GLB1L3: variants seen among roughly 807,000 people sequenced by gnomAD.
The protein encoded by GLB1L3 is beta-galactosidase-1-like protein 3.
GLB1L3 carries 89 observed loss-of-function variants against 89.5 expected under a neutral mutation model. The ratio of observed to expected loss-of-function variants is 0.99; its 90% CI spans 0.84 to 1.19. The LOEUF (loss-of-function observed/expected upper bound fraction) is 1.19, where lower values mean the gene tolerates loss of function less well. GLB1L3 is among the 50% of genes most tolerant of loss of function. The probability of loss-of-function intolerance (pLI) is 0.00; values close to 1 mark genes in which losing one functional copy is unlikely to be tolerated. For synonymous variants in GLB1L3, 314 were observed against 312.3 expected, an observed-to-expected ratio of 1.01 and a Z score of -0.06; for missense variants, 812 against 813.3, an observed-to-expected ratio of 1.00 and a Z score of 0.02.
At chr11:134,275,889 C>G (rs979148713), upstream of GLB1L3, 2 of 152,324 alleles carry the variant, frequency 1.3e-5, no homozygotes, top group Admixed American at 1.3e-4. Context: ...GGCAGCGTTA[C>G]CACCACGAGC....
chr11:134,308,283 A>ACC (rs1565412922), intron 10 of GLB1L3, among the ~76,000 whole-genome samples: 1 of 23,532 alleles, frequency 4.2e-5, no homozygotes, highest in Non-Finnish European at 8.6e-5. Context: ...ACCACCACCA[A>ACC]ATACCACCAC....
chr11:134,318,963 T>TA lies in GLB1L3; in HGVS notation c.*21_*22insA. 1 of 1,602,832 alleles carries TA rather than the reference T, an allele frequency of 6.2e-7. No homozygotes were observed. The highest frequency in any genetic ancestry group is 1.1e-5 in the South Asian group (1 of 90,514). Reference sequence around the variant, plus strand: ...TGTAAAACTGTGTCTGAACATTTTTTTTTTTTTTTGAGATGGAGTCTCACT... The same window carrying TA: ...TGTAAAACTGTGTCTGAACATTTTTTATTTTTTTTTGAGATGGAGTCTCACT... On this transcript the variant is annotated 3_prime_UTR_variant, in exon 20 of 20. Coordinates refer to ENST00000431683, the MANE Select transcript of GLB1L3 (RefSeq NM_001080407.3).
At chr11:134,305,873 T>C (rs545575526) in intron 9 of GLB1L3, among the ~76,000 whole-genome samples, 1 of 152,176 alleles carries the variant, frequency 6.6e-6, no homozygotes, top group African/African-American at 2.4e-5. Flanking sequence ...AAATTAAATA[T>C]AGAAGTTGGA....
intron 11 of GLB1L3, chr11:134,309,995 G>C (rs1189415413): frequency 5.4e-6 from 3 of 559,104 alleles, no homozygotes; most frequent in Admixed American, 3.2e-5. Context: ...CACACATCTG[G>C]TATACTGCCC....
intron 3 of GLB1L3, 114 bp downstream of exon 3, chr11:134,278,026 C>T (rs1940476424): frequency 4.3e-6 from 4 of 922,258 alleles, no homozygotes; most frequent in Non-Finnish European, 6.7e-6. Flanking sequence ...TCCGCACAGT[C>T]GTTTCCAGCA....
intron 7 of GLB1L3, among the ~76,000 whole-genome samples, chr11:134,291,767 G>A (rs773916847): frequency 2.0e-5 from 3 of 152,148 alleles, no homozygotes; most frequent in Non-Finnish European, 2.9e-5. Context: ...TTCAGGCCAG[G>A]AGTTTGAGAC....
downstream of GLB1L3, among the ~76,000 whole-genome samples, chr11:134,322,341 T>C (rs141073263): frequency 1.3e-5 from 2 of 152,308 alleles, no homozygotes; most frequent in African/African-American, 4.8e-5. Flanking sequence ...TATGTAGAAA[T>C]AGAAAAATAA....
rs1371705695 is a variant in GLB1L3, at chr11:134,318,754, C to T, written c.1896+7C>T. 6.3e-7 allele frequency: 1 copy of T among 1,578,146 alleles called. No individual in the cohort carries two copies. The highest frequency in any genetic ancestry group is 8.7e-7 in the Non-Finnish European group (1 of 1,148,110). On this transcript the variant is annotated splice_region_variant and intron_variant, in intron 19 of 19. Transcript: ENST00000431683. ...TCATCCAGAAGACAATGAGGTATGTCACTCCAGTCTCTGCCTTGAGATCTC... is the reference window on the plus strand; with the variant it reads ...TCATCCAGAAGACAATGAGGTATGTTACTCCAGTCTCTGCCTTGAGATCTC...
At chr11:134,309,553 T>C in intron 10 of GLB1L3, 73 bp from the exon 11 acceptor site, 1 of 1,255,364 alleles carries the variant, frequency 8.0e-7, no homozygotes, top group Non-Finnish European at 1.1e-6. Context: ...TTGGAAAGGA[T>C]AAGAGTTTGC....
chr11:134,276,745 A>G lies in GLB1L3; in HGVS notation c.5A>G (p.Lys2Arg). Residue 2 changes from lysine (K) to arginine (R), a missense_variant, in exon 1 of 20, where the codon AAG (lysine) becomes AGG (arginine). Around this residue, in one of 3 missense-constraint regions of GLB1L3, gnomAD observed 191 missense variants for 191.4 expected, o/e 1.00. Transcript: ENST00000431683. M[K>R]SPPLLSPCLS... ...CGGCGCCTCGGCCTGGCCGCGATGA[A>G]GTCCCCGCCCCTCCTCAGGTGACGG... 1 of 1,449,924 alleles carries G rather than the reference A, an allele frequency of 6.9e-7. No individual in the cohort carries two copies. The highest frequency in any genetic ancestry group is 1.3e-5 in the South Asian group (1 of 74,522). 89.8% of individuals were successfully genotyped at this position (1,449,924 alleles called of 1,614,324 possible).
At chr11:134,318,557 A>T in intron 18 of GLB1L3, 74 bp from the exon 19 acceptor site, 1 of 851,062 alleles carries the variant, frequency 1.2e-6, no homozygotes, top group South Asian at 1.5e-5. Flanking sequence ...TCTTGCTCTC[A>T]CTCTCCAAGT....
At chr11:134,304,092 C>G (rs1942072075) in intron 9 of GLB1L3, among the ~76,000 whole-genome samples, 1 of 151,814 alleles carries the variant, frequency 6.6e-6, no homozygotes, top group South Asian at 2.1e-4. Flanking sequence ...GTGTGTGTTC[C>G]CAGGTAGTAG....
upstream of GLB1L3, chr11:134,276,235 C>T (rs1192135025): frequency 6.5e-6 from 1 of 152,904 alleles, no homozygotes; most frequent in Non-Finnish European, 1.5e-5. Flanking sequence ...AGCTAGAGTT[C>T]TCCGGGGACT....
At chr11:134,322,260 A>G (rs1189919440), downstream of GLB1L3, among the ~76,000 whole-genome samples, 1 of 152,208 alleles carries the variant, frequency 6.6e-6, no homozygotes. Flanking sequence ...TGAGAAAGAT[A>G]TACTAATTTT....
At chr11:134,278,506 A>C (rs1940505964) in intron 3 of GLB1L3, among the ~76,000 whole-genome samples, 1 of 152,070 alleles carries the variant, frequency 6.6e-6, no homozygotes, top group Admixed American at 6.6e-5. Context: ...GGCTGGTCTC[A>C]AACTCCTGGA....
intron 18 of GLB1L3, among the ~76,000 whole-genome samples, chr11:134,317,668 ATTAG>A (rs1943041663): frequency 6.6e-6 from 1 of 152,186 alleles, no homozygotes; most frequent in Admixed American, 6.5e-5. Flanking sequence ...TATTATGTCA[ATTAG>A]TTCAATTTTG....
At chr11:134,286,502 G>A (rs921554484) in intron 6 of GLB1L3, among the ~76,000 whole-genome samples, 6 of 101,992 alleles carry the variant, frequency 5.9e-5, no homozygotes, top group African/African-American at 2.2e-4. Context: ...GTGGCCGGGC[G>A]CGGTGGCTCA....
Position 134,283,653 on chromosome 11 carries a change from G to A in GLB1L3, c.528-84G>A, listed in dbSNP as rs562179330. 179 of 710,362 alleles carry A rather than the reference G, an allele frequency of 2.5e-4. 4 individuals carry two copies. In the East Asian group the frequency reaches 4.0e-3, roughly 16 times the overall value. 44.0% of individuals were successfully genotyped at this position (710,362 alleles called of 1,614,324 possible). On this transcript the variant is annotated intron_variant, in intron 5 of 19. Transcript: ENST00000431683. The stretch of plus-strand genomic sequence containing the variant: ...GTGTGAGGCAGCTGGGCAGATGTGC[G>A]GCGAGCCGGGGCAGCTCTGAGCCCA...
chr11:134,307,069 G>A, intron 9 of GLB1L3, 55 bp from the exon 10 acceptor site: 1 of 1,349,980 alleles, frequency 7.4e-7, no homozygotes, highest in African/African-American at 1.4e-5. Flanking sequence ...CAGGTTTTCT[G>A]ATTTTTCTTT....
Sources: allele counts gnomAD v4.1 joint callset (sites outside exome capture counted in the v4.1 genomes callset), GRCh38; gene constraint gnomAD v4.1.1; regional missense constraint gnomAD v4.1.1; transcripts MANE v1.5; gene names NCBI Gene and HGNC (gene_info 2026-07-23, HGNC 2026-07-21).